The following WWP2 variants were observed in gnomAD, a reference collection of about 807,000 sequenced individuals.
WWP2 encodes the protein WW domain containing E3 ubiquitin protein ligase 2.
WWP2 carries 57 observed loss-of-function variants against 121.0 expected under a neutral mutation model. The ratio of observed to expected loss-of-function variants is 0.47; its 90% CI spans 0.38 to 0.59. WWP2 has a LOEUF of 0.59. Ranked by LOEUF, WWP2 falls within the 20% of genes least tolerant of loss-of-function variation. The probability of loss-of-function intolerance (pLI) is 0.00; values close to 1 mark genes in which losing one functional copy is unlikely to be tolerated. For missense variants in WWP2, 962 were observed against 1,158.9 expected (o/e 0.83, Z 2.47); for synonymous variants, 449 against 441.3 (o/e 1.02, Z -0.22).
chr16:69,886,088 G>C (rs905592469), intron 7 of WWP2, among the ~76,000 whole-genome samples: 1 of 152,150 alleles, frequency 6.6e-6, no homozygotes, highest in Non-Finnish European at 1.5e-5. Context: ...GCCATTGATT[G>C]GTTGGTTGAT....
At chr16:69,893,698 C>T (rs60137705) in intron 8 of WWP2, among the ~76,000 whole-genome samples, 5,398 of 152,096 alleles carry the variant, frequency 0.035, 267 homozygotes, top group African/African-American at 0.11. Flanking sequence ...TGCGCCACCA[C>T]GCCCAGCTAA....
At chr16:69,779,305 GCCT>G (rs1204536673) in intron 1 of WWP2, among the ~76,000 whole-genome samples, 2 of 152,098 alleles carry the variant, frequency 1.3e-5, no homozygotes, top group East Asian at 3.9e-4. Context: ...AATTCCAAAT[GCCT>G]ACATTATATA....
chr16:69,879,398 C>G (rs764765702), intron 7 of WWP2, among the ~76,000 whole-genome samples: 1 of 152,190 alleles, frequency 6.6e-6, no homozygotes, highest in South Asian at 2.1e-4. Flanking sequence ...GACCGGCCCC[C>G]GCCCACAGCC....
At position 69,935,910 on chromosome 16, in the gene WWP2, A is replaced by T. The variant is rs1160174950; in HGVS notation, c.1900A>T (p.Met634Leu). 1 of 1,613,924 alleles carries T rather than the reference A, an allele frequency of 6.2e-7. No homozygotes were observed. The highest frequency in any genetic ancestry group is 8.5e-7 in the Non-Finnish European group (1 of 1,180,026). ...TGFTLPFYKRMLNKRPTLKDL... is the reference protein window; with the variant it reads ...TGFTLPFYKRLLNKRPTLKDL... ...CTTCACCCTCCCTTTCTACAAGCGG[A>T]TGCTCAATAAGAGACCAACCCTGAA... is the stretch of plus-strand genomic sequence containing the variant. Residue 634 changes from methionine to leucine, a missense_variant, in exon 18 of 24, where the codon ATG (methionine) becomes TTG (leucine). Met to Leu is a conservative substitution (Grantham distance 15). Around this residue, in one of 3 missense-constraint regions of WWP2, gnomAD observed 606 missense variants for 772.6 expected, o/e 0.78. Coordinates refer to ENST00000359154, the MANE Select transcript of WWP2 (RefSeq NM_001270454.2). The surrounding 1 kb of genome is among the most constrained non-coding windows in gnomAD (Gnocchi z 5.2).
intron 4 of WWP2, among the ~76,000 whole-genome samples, chr16:69,817,659 CTTTTTTTTTTTTTTT>C (rs200998762): frequency 3.3e-5 from 4 of 119,952 alleles, no homozygotes; most frequent in Non-Finnish European, 3.5e-5. Context: ...TTGTTAAACT[CTTTTTTTTTTTTTTT>C]TTTTTTTTTT....
intron 6 of WWP2, among the ~76,000 whole-genome samples, chr16:69,865,608 G>A (rs1380759818): frequency 6.6e-6 from 1 of 152,156 alleles, no homozygotes; most frequent in African/African-American, 2.4e-5. Flanking sequence ...AGTAATTTAC[G>A]CTAAACTGGT....
rs1005569949 is a variant in WWP2 at position 69,823,352 on chromosome 16, C to T, written c.341-16774C>T. Among the ~76,000 whole-genome samples, 7 of 152,226 alleles carry T rather than the reference C, an allele frequency of 4.6e-5. No homozygotes were observed. The South Asian group carries it at 1.5e-3, about 32-fold the overall frequency. ...AAGTATGGCTGCAGGTAGCTGTGGC[C>T]CCCATATTGGACAGTGCAGGTCTAG... On this transcript the variant is annotated intron_variant, in intron 4 of 23. Coordinates refer to ENST00000359154, the MANE Select transcript of WWP2 (RefSeq NM_001270454.2).
In WWP2 at chr16:69,795,426, A is replaced by G. The variant is rs1043889309; in HGVS notation, c.71-3256A>G. ...TAAAAATCATATCCTTATTTGCACT[A>G]GCCATATTTCAAGTGTCAATAGCCA... On this transcript the variant is annotated intron_variant, in intron 2 of 23. Coordinates refer to ENST00000359154, the MANE Select transcript of WWP2 (RefSeq NM_001270454.2). Among the ~76,000 whole-genome samples, 17 of 152,202 alleles carry G rather than the reference A, an allele frequency of 1.1e-4. 2 individuals are homozygous for G. The highest frequency in any genetic ancestry group is 3.9e-4 in the East Asian group (2 of 5,176).
rs143330410 is a variant in WWP2 at position 69,921,362 on chromosome 16, C to A, written c.1179+3479C>A. Among the ~76,000 whole-genome samples, 213 of 152,322 alleles carry A rather than the reference C, an allele frequency of 1.4e-3. 1 individual carries two copies. Among genetic ancestry groups the A allele is most frequent in the African/African-American group, 4.4e-3 (181 of 41,574 alleles). ...TAAGACCCAATACTAGACTAGCTAG[C>A]GGCCTCCCCTCCTCCTCTTGCTGGG... On this transcript the variant is annotated intron_variant, in intron 10 of 23. Transcript: ENST00000359154.
chr16:69,919,321 G>A (rs1261783793), intron 10 of WWP2, among the ~76,000 whole-genome samples: 6 of 151,668 alleles, frequency 4.0e-5, no homozygotes, highest in Non-Finnish European at 5.9e-5. Flanking sequence ...ACACGCCACC[G>A]TGCCTGGCTA....
rs756451733 is a variant in WWP2 at position 69,929,430 on chromosome 16, T to A, written c.1235-18T>A. 1 of 1,611,228 alleles carries A rather than the reference T, an allele frequency of 6.2e-7. No homozygotes were observed. Among genetic ancestry groups the A allele is most frequent in the South Asian group, 1.1e-5 (1 of 90,996 alleles). On this transcript the variant is annotated intron_variant, in intron 11 of 23. Coordinates refer to ENST00000359154, the MANE Select transcript of WWP2 (RefSeq NM_001270454.2). ...CCGTGTTTGAATCTGATGTTCTTTC[T>A]TTCTTCTCATGTGGCAGAGAAGAGA... is the stretch of plus-strand genomic sequence containing the variant.
intron 8 of WWP2, among the ~76,000 whole-genome samples, chr16:69,901,866 A>T (rs1256116620): frequency 3.3e-5 from 5 of 152,148 alleles, no homozygotes; most frequent in Admixed American, 3.3e-4. Context: ...CAGGAGCATC[A>T]CTTGAACTCG....
chr16:69,835,787 A>G (rs933385643), intron 4 of WWP2, among the ~76,000 whole-genome samples: 2 of 150,102 alleles, frequency 1.3e-5, no homozygotes, highest in Non-Finnish European at 2.9e-5. Context: ...AGACATGCTC[A>G]TATAAAACCA....
intron 6 of WWP2, among the ~76,000 whole-genome samples, chr16:69,864,932 G>A (rs2057492337): frequency 6.6e-6 from 1 of 151,660 alleles, no homozygotes; most frequent in Admixed American, 6.6e-5. Context: ...TGTCAATCCT[G>A]ATAGATATGT....
intron 4 of WWP2, among the ~76,000 whole-genome samples, chr16:69,828,951 G>T (rs2056750004): frequency 6.6e-6 from 1 of 152,026 alleles, no homozygotes; most frequent in African/African-American, 2.4e-5. Flanking sequence ...GGTGTTCCCT[G>T]ACAGGTGTTT....
At chr16:69,826,723 CA>C (rs201663365) in intron 4 of WWP2, among the ~76,000 whole-genome samples, 59,842 of 135,892 alleles carry the variant, frequency 0.44, 13,470 homozygotes, top group Non-Finnish European at 0.49. Flanking sequence ...AATAAAAATA[CA>C]AAAAAAAAAA....
At chr16:69,864,808 C>T (rs1477953153) in intron 6 of WWP2, among the ~76,000 whole-genome samples, 1 of 150,988 alleles carries the variant, frequency 6.6e-6, no homozygotes, top group African/African-American at 2.4e-5. Flanking sequence ...GAAGGGGTTT[C>T]ACCATGTTGG....
At chr16:69,920,392 G>A (rs1458789711) in intron 10 of WWP2, among the ~76,000 whole-genome samples, 1 of 152,124 alleles carries the variant, frequency 6.6e-6, no homozygotes, top group African/African-American at 2.4e-5. Flanking sequence ...ATTCTGGCAT[G>A]TTTCAGAATT....
intron 1 of WWP2, among the ~76,000 whole-genome samples, chr16:69,764,950 T>G (rs767932515): frequency 1.3e-5 from 2 of 152,238 alleles, no homozygotes. Context: ...ATGCCTATAA[T>G]TCCAGCACTT....
Sources: gnomAD v4.1 joint callset for allele counts (sites outside exome capture counted in the v4.1 genomes callset) on GRCh38, gnomAD v4.1.1 for gene constraint, gnomAD v4.1.1 regional missense constraint, Gnocchi (gnomAD v3.1) non-coding constraint, MANE v1.5 for transcripts, NCBI Gene and HGNC (gene_info 2026-07-23, HGNC 2026-07-21) for gene names.